DCT: variants seen among roughly 807,000 people sequenced by gnomAD.
DCT encodes the protein dopachrome tautomerase.
A neutral mutation model predicts 53.0 loss-of-function variants in DCT; 47 were observed. That is an observed-to-expected ratio of 0.89 (90% CI 0.70 to 1.13). DCT has a LOEUF of 1.13. DCT is among the 50% of genes most tolerant of loss of function. The probability of loss-of-function intolerance (pLI) is 0.00; values close to 1 mark genes in which losing one functional copy is unlikely to be tolerated. For missense variants in DCT, 669 were observed against 637.4 expected, an observed-to-expected ratio of 1.05 and a Z score of -0.53; for synonymous variants, 244 against 237.0, an observed-to-expected ratio of 1.03 and a Z score of -0.27.
intron 1 of DCT, among the ~76,000 whole-genome samples, chr13:94,471,333 G>A (rs984482706): frequency 7.9e-5 from 12 of 151,884 alleles, no homozygotes; most frequent in Admixed American, 2.0e-4. Context: ...CACCTTTTAC[G>A]TAGCTCAATT....
chr13:94,482,494 C>T (rs1346803690), upstream of DCT, among the ~76,000 whole-genome samples: 6 of 152,208 alleles, frequency 3.9e-5, no homozygotes, highest in African/African-American at 1.4e-4. Flanking sequence ...CTCTCTACCA[C>T]ATTACCTTAT....
At chr13:94,473,064 T>G (rs1170599293) in intron 1 of DCT, among the ~76,000 whole-genome samples, 1 of 152,120 alleles carries the variant, frequency 6.6e-6, no homozygotes, top group Non-Finnish European at 1.5e-5. Flanking sequence ...AAATGTTGCT[T>G]GGATGGGTGG....
At chr13:94,482,510 T>G (rs1305637611), upstream of DCT, among the ~76,000 whole-genome samples, 1 of 152,216 alleles carries the variant, frequency 6.6e-6, no homozygotes, top group Non-Finnish European at 1.5e-5. Flanking sequence ...CTTATTTTAT[T>G]TTCTTCATAG....
intron 6 of DCT, chr13:94,452,636 A>G: frequency 2.6e-6 from 2 of 768,392 alleles, no homozygotes; most frequent in Middle Eastern, 2.5e-4. Context: ...TTGTTGTAGC[A>G]TTGTAAAGCA....
At chr13:94,446,589 T>A (rs1882750135) in intron 6 of DCT, among the ~76,000 whole-genome samples, 2 of 152,234 alleles carry the variant, frequency 1.3e-5, no homozygotes, top group South Asian at 4.1e-4. Context: ...CAGGCTGCTG[T>A]AACAAAGTAC....
chr13:94,544,056 T>C, the DCT span, among the ~76,000 whole-genome samples: 2 of 151,838 alleles, frequency 1.3e-5, no homozygotes, highest in Non-Finnish European at 2.9e-5. Flanking sequence ...AAAAATGCTC[T>C]TTATGGATCT....
At chr13:94,539,643 A>T in the DCT span, among the ~76,000 whole-genome samples, 1 of 152,240 alleles carries the variant, frequency 6.6e-6, no homozygotes, top group African/African-American at 2.4e-5. Flanking sequence ...AGATCAGACT[A>T]TTCAAATAGA....
At chr13:94,538,362 G>T in the DCT span, among the ~76,000 whole-genome samples, 2 of 152,166 alleles carry the variant, frequency 1.3e-5, no homozygotes, top group African/African-American at 4.8e-5. Flanking sequence ...GGAACTTCTG[G>T]ATATTACACA....
chr13:94,520,057 A>G, the DCT span, among the ~76,000 whole-genome samples: 2 of 152,210 alleles, frequency 1.3e-5, no homozygotes, highest in Admixed American at 1.3e-4. Flanking sequence ...AACATTCTCA[A>G]TAATCTCAAT....
intron 2 of DCT, chr13:94,467,067 A>C (rs1884272613): frequency 6.5e-6 from 1 of 153,312 alleles, no homozygotes; most frequent in Non-Finnish European, 1.5e-5. Context: ...AAAGATATAA[A>C]TTTAAAAGGG....
At chr13:94,451,648 A>G (rs1371387317) in intron 6 of DCT, among the ~76,000 whole-genome samples, 1 of 152,228 alleles carries the variant, frequency 6.6e-6, no homozygotes, top group Non-Finnish European at 1.5e-5. Flanking sequence ...CATAGGGGCC[A>G]TCACAGAATA....
the DCT span, among the ~76,000 whole-genome samples, chr13:94,535,489 T>G: frequency 6.6e-6 from 1 of 152,226 alleles, no homozygotes; most frequent in African/African-American, 2.4e-5. Flanking sequence ...CATATAAATC[T>G]GTCAGATAAG....
At position 94,465,873 on chromosome 13, in the gene DCT, CTGA is replaced by C. The variant is rs916799925; in HGVS notation, c.697-77_697-75del. On this transcript the variant is annotated intron_variant, in intron 3 of 7. Coordinates refer to ENST00000377028, the MANE Select transcript of DCT (RefSeq NM_001922.5). ...AACAAGAAAGCATACAAGGCAAAGGCTGATATGTATCTGAACCAAATATCTACC... is the reference window on the plus strand; with the variant it reads ...AACAAGAAAGCATACAAGGCAAAGGCTATGTATCTGAACCAAATATCTACC... The C allele has an allele frequency of 7.0e-6, 9 of 1,285,786 alleles. No individual in the cohort carries two copies. In the African/African-American group the frequency reaches 1.3e-4, roughly 19 times the overall value. The allele number at this position is 1,285,786 out of a possible 1,614,324, so 79.6% of individuals were successfully genotyped here.
chr13:94,548,477 G>A, the DCT span, among the ~76,000 whole-genome samples: 1 of 151,958 alleles, frequency 6.6e-6, no homozygotes, highest in African/African-American at 2.4e-5. Context: ...TCACTAAACT[G>A]ACTATTCTAT....
the DCT span, among the ~76,000 whole-genome samples, chr13:94,536,551 A>G: frequency 6.6e-6 from 1 of 152,122 alleles, no homozygotes; most frequent in African/African-American, 2.4e-5. Context: ...GAGTTTTCAC[A>G]TGAGAGCTGG....
the DCT span, among the ~76,000 whole-genome samples, chr13:94,506,372 A>T: frequency 6.6e-6 from 1 of 152,228 alleles, no homozygotes; most frequent in South Asian, 2.1e-4. Flanking sequence ...GAAAGTAAGG[A>T]GTCCTCCCTA....
the DCT span, among the ~76,000 whole-genome samples, chr13:94,543,694 G>T: frequency 5.3e-5 from 8 of 152,046 alleles, no homozygotes; most frequent in Non-Finnish European, 8.8e-5. Context: ...TCCTAATCAT[G>T]TTGTTATTCT....
the DCT span, among the ~76,000 whole-genome samples, chr13:94,506,053 C>T: frequency 6.6e-6 from 1 of 152,166 alleles, no homozygotes; most frequent in African/African-American, 2.4e-5. Context: ...TGAGATAATA[C>T]ATGTATTTTA....
chr13:94,441,504 C>T (rs141112998), intron 7 of DCT, among the ~76,000 whole-genome samples: 2 of 152,278 alleles, frequency 1.3e-5, no homozygotes, highest in Admixed American at 6.5e-5. Flanking sequence ...ATTGTGCCCA[C>T]CAAACAGTAA....
Sources: allele counts gnomAD v4.1 joint callset (sites outside exome capture counted in the v4.1 genomes callset), GRCh38; gene constraint gnomAD v4.1.1; transcripts MANE v1.5; gene names NCBI Gene and HGNC (gene_info 2026-07-23, HGNC 2026-07-21).